The following AUTS2 variants were observed in gnomAD, a reference collection of about 807,000 sequenced individuals.
The protein encoded by AUTS2 is activator of transcription and developmental regulator AUTS2, also known as autism susceptibility gene 2 protein.
Under a neutral mutation model 112.4 loss-of-function variants are expected in AUTS2, and 17 were observed. That is an observed-to-expected ratio of 0.15 (90% CI 0.10 to 0.23). The LOEUF is 0.23. Among genes scored for constraint, AUTS2 ranks in the 10% least tolerant of loss-of-function variants. AUTS2 has a pLI of 1.00. For synonymous variants in AUTS2, 751 were observed against 702.7 expected, an observed-to-expected ratio of 1.07 and a Z score of -1.09; for missense variants, 1,510 against 1,701.6, an observed-to-expected ratio of 0.89 and a Z score of 1.98.
intron 5 of AUTS2, among the ~76,000 whole-genome samples, chr7:70,652,180 G>A (rs1415797599): frequency 6.6e-6 from 1 of 152,146 alleles, no homozygotes; most frequent in Non-Finnish European, 1.5e-5. Flanking sequence ...GAGAATAGCA[G>A]TAACCAATAC....
Position 70,336,227 on chromosome 7 carries a change from A to G in AUTS2, c.661-99525A>G, listed in dbSNP as rs1358526394. Among the ~76,000 whole-genome samples the G allele has an allele frequency of 2.6e-5, 4 of 152,230 alleles. No homozygotes were observed. The East Asian group carries it at 7.7e-4, about 29-fold the overall frequency. The stretch of plus-strand genomic sequence containing the variant: ...AAAAATAAAAATAAAATGGAACAAT[A>G]AAGAAAATGTATCCAAACTATAAAA... On this transcript the variant is annotated intron_variant, in intron 4 of 18. Coordinates refer to ENST00000342771, the MANE Select transcript of AUTS2 (RefSeq NM_015570.4).
At chr7:70,152,822 C>T (rs900154349) in intron 4 of AUTS2, among the ~76,000 whole-genome samples, 2 of 152,142 alleles carry the variant, frequency 1.3e-5, no homozygotes, top group East Asian at 3.9e-4. Flanking sequence ...TATATTATTA[C>T]ACACCTATTA....
intron 2 of AUTS2, among the ~76,000 whole-genome samples, chr7:70,071,433 T>C (rs978441023): frequency 3.3e-5 from 5 of 152,208 alleles, no homozygotes; most frequent in African/African-American, 1.2e-4. Context: ...ATGTAATAGT[T>C]CTTGATTGTT....
intron 1 of AUTS2, among the ~76,000 whole-genome samples, chr7:69,883,152 G>T (rs1353053790): frequency 6.6e-6 from 1 of 152,148 alleles, no homozygotes; most frequent in Non-Finnish European, 1.5e-5. Context: ...TAAAGAGTAG[G>T]GATAGCAGTG....
At position 70,717,144 on chromosome 7, in the gene AUTS2, G is replaced by A. The variant is rs539653968; in HGVS notation, c.742+18524G>A. On this transcript the variant is annotated intron_variant, in intron 6 of 18. Transcript: ENST00000342771. ...ACTCCTGGGCTCAAGTGATCCTCCTGCCCCAGCCTTGCGAGTAGCTAAGAC... is the reference window on the plus strand; with the variant it reads ...ACTCCTGGGCTCAAGTGATCCTCCTACCCCAGCCTTGCGAGTAGCTAAGAC... Among the ~76,000 whole-genome samples, 12 of 151,728 alleles carry A rather than the reference G, an allele frequency of 7.9e-5. No individual in the cohort carries two copies. The East Asian group carries it at 2.3e-3, about 29-fold the overall frequency.
chr7:70,381,168 A>G (rs1042458198), intron 4 of AUTS2, among the ~76,000 whole-genome samples: 2 of 152,240 alleles, frequency 1.3e-5, no homozygotes, highest in Non-Finnish European at 2.9e-5. Flanking sequence ...AGAATTATAT[A>G]TTTGAAAATT....
intron 6 of AUTS2, among the ~76,000 whole-genome samples, chr7:70,760,201 T>A (rs1216909324): frequency 6.6e-6 from 1 of 152,106 alleles, no homozygotes; most frequent in South Asian, 2.1e-4. Flanking sequence ...GAGGCAGGGT[T>A]TCACCGTGTT....
intron 2 of AUTS2, among the ~76,000 whole-genome samples, chr7:70,043,552 CCTTCCTTCCTTCCTT>C (rs1801342591): frequency 5.3e-4 from 2 of 3,788 alleles, no homozygotes; most frequent in South Asian, 0.017. Context: ...TCCCTCCCTT[CCTTCCTTCCTTCCTT>C]CCTTCCTTCC....
intron 1 of AUTS2, among the ~76,000 whole-genome samples, chr7:69,653,041 T>C (rs1305004551): frequency 6.6e-6 from 1 of 152,226 alleles, no homozygotes; most frequent in Non-Finnish European, 1.5e-5. Flanking sequence ...CTAACTCATA[T>C]TGCAGTGTAT....
intron 1 of AUTS2, among the ~76,000 whole-genome samples, chr7:69,725,014 C>T (rs1358694361): frequency 1.3e-5 from 2 of 152,100 alleles, no homozygotes. Flanking sequence ...TTTTAATCTT[C>T]AGTCCTTCAT....
intron 4 of AUTS2, among the ~76,000 whole-genome samples, chr7:70,396,194 T>C (rs1011742309): frequency 2.0e-5 from 3 of 152,064 alleles, no homozygotes; most frequent in African/African-American, 7.2e-5. Flanking sequence ...CCCATCTCCT[T>C]TGTGGTCCCT....
chr7:70,562,611 A>G (rs1477341237), intron 5 of AUTS2, among the ~76,000 whole-genome samples: 1 of 152,178 alleles, frequency 6.6e-6, no homozygotes, highest in African/African-American at 2.4e-5. Context: ...CACAGGTCTG[A>G]CTGTTCCTAC....
chr7:69,886,781 G>GTT (rs1794294683), intron 1 of AUTS2, among the ~76,000 whole-genome samples: 1 of 150,224 alleles, frequency 6.7e-6, no homozygotes, highest in Non-Finnish European at 1.5e-5. Flanking sequence ...GTGTGTGTGT[G>GTT]TGTGTGTGTG....
Position 70,580,266 on chromosome 7 carries a change from A to T in AUTS2, c.691-118303A>T, listed in dbSNP as rs140361946. Among the ~76,000 whole-genome samples, 308 of 152,298 alleles carry T rather than the reference A, an allele frequency of 2.0e-3. 1 individual carries two copies. The highest frequency in any genetic ancestry group is 7.0e-3 in the African/African-American group (290 of 41,564). On this transcript the variant is annotated intron_variant, in intron 5 of 18. Coordinates refer to ENST00000342771, the MANE Select transcript of AUTS2 (RefSeq NM_015570.4). ...TTCATCCTGACCTTCAGCTATGCAC[A>T]TGTGCCCTGCGCTGTAGCGTGGCTG...
intron 4 of AUTS2, among the ~76,000 whole-genome samples, chr7:70,330,004 C>G (rs537085150): frequency 5.6e-4 from 85 of 152,188 alleles, no homozygotes; most frequent in Admixed American, 1.8e-3. Context: ...TGTATAAAGG[C>G]CTTAGTCCCA....
intron 2 of AUTS2, among the ~76,000 whole-genome samples, chr7:70,011,538 A>G (rs1178464277): frequency 6.6e-6 from 1 of 152,206 alleles, no homozygotes; most frequent in Admixed American, 6.5e-5. Context: ...ATTATCCCAG[A>G]ATAGGTGGCT....
rs66614263 is a variant in AUTS2, at chr7:70,768,877, C to CTTTTTT, written c.1734+820_1734+825dup. Among the ~76,000 whole-genome samples, 822 of 108,176 alleles carry CTTTTTT rather than the reference C, an allele frequency of 7.6e-3. 14 individuals carry two copies. Among genetic ancestry groups the CTTTTTT allele is most frequent in the South Asian group, 0.013 (42 of 3,174 alleles). 71.0% of individuals were successfully genotyped at this position (108,176 alleles called of 152,430 possible). A position where few individuals can be genotyped will look rare whatever the true frequency, so the allele number is the denominator to read the frequency against. On this transcript the variant is annotated intron_variant, in intron 10 of 18. Transcript: ENST00000342771. ...TTGCAAGTTTCTTTGCCAGTGATTT[C>CTTTTTT]TTTTTTTTTTTTTTTTAATGAAACC...
At chr7:70,427,648 AT>A (rs2130776580) in intron 4 of AUTS2, among the ~76,000 whole-genome samples, 1 of 152,332 alleles carries the variant, frequency 6.6e-6, no homozygotes, top group East Asian at 1.9e-4. Context: ...GGACAACCTG[AT>A]TTCTGTCAAT....
At chr7:70,642,594 C>G (rs998971601) in intron 5 of AUTS2, among the ~76,000 whole-genome samples, 1 of 152,116 alleles carries the variant, frequency 6.6e-6, no homozygotes, top group Non-Finnish European at 1.5e-5. Context: ...TCAGCTTTGC[C>G]GAGCCTTAAC....
Sources: gnomAD v4.1 joint callset for allele counts (sites outside exome capture counted in the v4.1 genomes callset) on GRCh38, gnomAD v4.1.1 for gene constraint, MANE v1.5 for transcripts, NCBI Gene and HGNC (gene_info 2026-07-23, HGNC 2026-07-21) for gene names.